Variants in DDB1 observed in about 807,000 individuals in gnomAD.
DDB1 encodes damage specific DNA binding protein 1, also known as DNA damage-binding protein 1.
DDB1 carries 18 observed loss-of-function variants against 133.1 expected under a neutral mutation model. The ratio of observed to expected loss-of-function variants is 0.14; its 90% CI spans 0.09 to 0.20. The LOEUF (loss-of-function observed/expected upper bound fraction) is 0.20. DDB1 is among the 10% of genes least tolerant of loss of function. DDB1 has a pLI of 1.00. For synonymous variants in DDB1, 580 were observed against 550.5 expected, an observed-to-expected ratio of 1.05 and a Z score of -0.75; for missense variants, 828 against 1,459.2, an observed-to-expected ratio of 0.57 and a Z score of 7.05.
intron 7 of DDB1, 161 bp downstream of exon 7, chr11:61,323,800 GATCCTGTGAGATGCTCCA>G (rs1856224200): frequency 1.6e-6 from 1 of 620,786 alleles, no homozygotes; most frequent in African/African-American, 1.8e-5. Context: ...ATTATCACAG[GATCCTGTGAGATGCTCCA>G]ATACCTAACT....
At position 61,311,850 on chromosome 11, in the gene DDB1, G is replaced by A. The variant is rs764861108; in HGVS notation, c.2211C>T (p.Ser737=). The change falls in exon 18 of 27, where the codon TCC becomes TCT. Residue 737 remains serine (S), a synonymous_variant. Transcript: ENST00000301764. ...QEVSQCFGVL[S]SRIEVQDTSG... ...TCGTGTCTTGGACTTCAATGCGGCT[G>A]GAGAGGACCCCGAAACACTGGGACA... The A allele has an allele frequency of 2.5e-6, 4 of 1,614,020 alleles. No homozygotes were observed. Among genetic ancestry groups the A allele is most frequent in the Non-Finnish European group, 3.4e-6 (4 of 1,180,024 alleles).
chr11:61,308,996 C>T lies in DDB1; in HGVS notation c.2648G>A (p.Ser883Asn). Residue 883 changes from serine (S) to asparagine (N), a missense_variant, in exon 21 of 27, where the codon AGC becomes AAC. Ser to Asn is a conservative substitution (Grantham distance 46, BLOSUM62 1). Around this residue, in one of 7 missense-constraint regions of DDB1, gnomAD observed 36 missense variants for 139.9 expected, o/e 0.26. Coordinates refer to ENST00000301764, the MANE Select transcript of DDB1 (RefSeq NM_001923.5). The part of the protein sequence containing the change: ...MVEFNGKLLA[S>N]INSTVRLYEW... The stretch of plus-strand genomic sequence containing the variant: ...TCCAGGCCTCACCGTGCTATTGATG[C>T]TGGCTAACAGCTTCCCGTTAAATTC... 6.2e-7 allele frequency: 1 copy of T among 1,614,194 alleles called. No homozygotes were observed. Among genetic ancestry groups the T allele is most frequent in the Non-Finnish European group, 8.5e-7 (1 of 1,180,044 alleles).
At chr11:61,314,527 C>T (rs1347149160) in intron 12 of DDB1, 41 bp from the exon 13 acceptor site, 4 of 1,576,620 alleles carry the variant, frequency 2.5e-6, no homozygotes, top group Non-Finnish European at 3.4e-6. Context: ...CAAGCATCTG[C>T]CAGGGTCCAC....
rs987361383 is a variant in DDB1, at chr11:61,302,837, C to G, written c.2943-86G>C. On this transcript the variant is annotated intron_variant, in intron 23 of 26. Transcript: ENST00000301764. ...AGGACCACGTGCAGTGGTCACGGTG[C>G]TCAATTTCCCTGGGGAGCTGACATA... The G allele has an allele frequency of 3.7e-5, 57 of 1,539,384 alleles. No homozygotes were observed. The Middle Eastern group carries it at 1.1e-3, about 29-fold the overall frequency.
In DDB1 at chr11:61,300,238, C is replaced by G. The variant is rs187966895; in HGVS notation, c.3340-19G>C. 29 of 1,612,430 alleles carry G rather than the reference C, an allele frequency of 1.8e-5. No homozygotes were observed. The highest frequency in any genetic ancestry group is 2.5e-5 in the Non-Finnish European group (29 of 1,179,210). On this transcript the variant is annotated intron_variant, in intron 26 of 26. Coordinates refer to ENST00000301764, the MANE Select transcript of DDB1 (RefSeq NM_001923.5). ...CGTCATACTGCAATGAGAAGATGGG[C>G]GGGGCTGTGAGGACCAAGAGGGTGC...
chr11:61,311,308 TAAC>T (rs1855964808), intron 18 of DDB1: 1 of 140,080 alleles, frequency 7.1e-6, no homozygotes, highest in South Asian at 2.2e-4. Context: ...TAACATAACA[TAAC>T]ATAACATAAC....
chr11:61,312,170 A>C (rs1006692255), intron 16 of DDB1, 86 bp from the exon 17 acceptor site: 131 of 1,196,694 alleles, frequency 1.1e-4, no homozygotes, highest in Non-Finnish European at 1.5e-4. Flanking sequence ...AAGAAAAACA[A>C]GGCAGGATTA....
chr11:61,331,585 G>C lies in DDB1; in HGVS notation c.168C>G (p.Gly56=). 1 of 1,614,062 alleles carries C rather than the reference G, an allele frequency of 6.2e-7. No homozygotes were observed. Among genetic ancestry groups the C allele is most frequent in the Non-Finnish European group, 8.5e-7 (1 of 1,180,028 alleles). Residue 56 remains glycine, a synonymous_variant, in exon 2 of 27, where the codon GGC becomes GGG. Coordinates refer to ENST00000301764, the MANE Select transcript of DDB1 (RefSeq NM_001923.5). ...AEGLRPVKEV[G]MYGKIAVMEL... The stretch of plus-strand genomic sequence containing the variant: ...CCATGACCGCAATCTTCCCATACAT[G>C]CCCACCTCTTTGACGGGCCGAAGCC...
At chr11:61,323,452 G>A (rs982547433) in intron 7 of DDB1, 1 of 284,788 alleles carries the variant, frequency 3.5e-6, no homozygotes, top group African/African-American at 2.2e-5. Context: ...CTGTCACCCA[G>A]GCTGGAGTGC....
chr11:61,300,337 G>T, intron 26 of DDB1, 118 bp from the exon 27 acceptor site: 1 of 1,072,574 alleles, frequency 9.3e-7, no homozygotes, highest in Non-Finnish European at 1.4e-6. Flanking sequence ...GGCAGAGGAA[G>T]GACTCACCAG....
intron 20 of DDB1, 28 bp from the exon 21 acceptor site, chr11:61,309,105 CT>C: frequency 6.2e-7 from 1 of 1,600,794 alleles, no homozygotes; most frequent in South Asian, 1.1e-5. Context: ...ATGTTTGAGT[CT>C]CTATGAGCCC....
intron 10 of DDB1, among the ~76,000 whole-genome samples, chr11:61,321,078 G>C (rs1008305912): frequency 1.3e-5 from 2 of 150,400 alleles, no homozygotes; most frequent in African/African-American, 4.9e-5. Context: ...TAGAGATGAG[G>C]TCTACGTTGC....
At chr11:61,322,605 G>C (rs1590695860) in intron 8 of DDB1, 193 bp from the exon 9 acceptor site, 2 of 580,902 alleles carry the variant, frequency 3.4e-6, no homozygotes, top group Non-Finnish European at 6.2e-6. Context: ...CCATTAATCA[G>C]CCAAGGATTG....
chr11:61,299,988 C>A lies in DDB1; in HGVS notation c.*148G>T. ...TTCCCAAGTCTCTATGAAGCCCGCC[C>A]CACTTCCACATAGGGGAACTGTGGC... On this transcript the variant is annotated 3_prime_UTR_variant, in exon 27 of 27. Coordinates refer to ENST00000301764, the MANE Select transcript of DDB1 (RefSeq NM_001923.5). 2.8e-6 allele frequency: 2 copies of A among 707,616 alleles called. No homozygotes were observed. The highest frequency in any genetic ancestry group is 2.7e-5 in the East Asian group (1 of 37,550). 43.8% of individuals were successfully genotyped at this position (707,616 alleles called of 1,614,324 possible).
At position 61,331,568 on chromosome 11, in the gene DDB1, G is replaced by C; in HGVS notation, c.185C>G (p.Ala62Gly). ...VKEVGMYGKI[A>G]VMELFRPKGE... Reference sequence around the variant, plus strand: ...CTTGGGCCTGAAAAGCTCCATGACCGCAATCTTCCCATACATGCCCACCTC... The same window carrying C: ...CTTGGGCCTGAAAAGCTCCATGACCCCAATCTTCCCATACATGCCCACCTC... Residue 62 changes from alanine (A) to glycine (G), a missense_variant, in exon 2 of 27, where the codon GCG becomes GGG. Around this residue, in one of 7 missense-constraint regions of DDB1, gnomAD observed 210 missense variants for 344.8 expected, o/e 0.61. Coordinates refer to ENST00000301764, the MANE Select transcript of DDB1 (RefSeq NM_001923.5). 5 of 1,614,042 alleles carry C rather than the reference G, an allele frequency of 3.1e-6. No homozygotes were observed. The highest frequency in any genetic ancestry group is 4.2e-6 in the Non-Finnish European group (5 of 1,179,972).
At chr11:61,316,942 G>GATAGATATATAT (rs1156290535) in intron 10 of DDB1, among the ~76,000 whole-genome samples, 9 of 27,032 alleles carry the variant, frequency 3.3e-4, no homozygotes, top group Non-Finnish European at 6.5e-4. Context: ...AAAAAAAAAG[G>GATAGATATATAT]ATAGATATAT....
At chr11:61,306,733 A>G (rs991646822) in intron 21 of DDB1, among the ~76,000 whole-genome samples, 3 of 152,076 alleles carry the variant, frequency 2.0e-5, no homozygotes, top group Admixed American at 1.3e-4. Flanking sequence ...TGCAGATTCC[A>G]ACGCCCTGAC....
At chr11:61,311,424 T>G (rs1855969485) in intron 18 of DDB1, 1 of 223,630 alleles carries the variant, frequency 4.5e-6, no homozygotes, top group South Asian at 1.4e-4. Flanking sequence ...TAGGCACTTT[T>G]GAAAAGCTGG....
intron 21 of DDB1, among the ~76,000 whole-genome samples, chr11:61,307,817 G>A (rs528433207): frequency 8.7e-6 from 1 of 115,524 alleles, no homozygotes; most frequent in East Asian, 2.1e-4. Context: ...GCCAAAACCC[G>A]ACCCTTTATT....
Sources: allele counts gnomAD v4.1 joint callset (sites outside exome capture counted in the v4.1 genomes callset), GRCh38; gene constraint gnomAD v4.1.1; regional missense constraint gnomAD v4.1.1; transcripts MANE v1.5; gene names NCBI Gene and HGNC (gene_info 2026-07-23, HGNC 2026-07-21).